The following FYB2 variants were observed in gnomAD, a reference collection of about 807,000 sequenced individuals.
FYB2 encodes the protein FYN binding protein 2, also known as FYN-binding protein 2.
In FYB2, 103 loss-of-function variants were observed where a neutral mutation model predicts 94.1. That is an observed-to-expected ratio of 1.09 (90% confidence interval 0.93 to 1.29). The LOEUF (loss-of-function observed/expected upper bound fraction) is 1.29. Among genes scored for constraint, FYB2 ranks in the 50% most tolerant of loss-of-function variants. The pLI, the probability that FYB2 is intolerant of heterozygous loss-of-function variation, is 0.00. For synonymous variants in FYB2, 293 were observed against 287.9 expected, an observed-to-expected ratio of 1.02 and a Z score of -0.18; for missense variants, 896 against 841.5, an observed-to-expected ratio of 1.06 and a Z score of -0.80.
At position 56,742,196 on chromosome 1, in the gene FYB2, A is replaced by T; in HGVS notation, c.1569T>A (p.Asp523Glu). ...SSEENRELYEDVYKTKNNYPK... is the reference protein window; with the variant it reads ...SSEENRELYEEVYKTKNNYPK... ...GGTAGTTGTTCTTTGTTTTGTAGACATCTTCATACAGTTCTCTATTTTCTT... is the reference window on the plus strand; with the variant it reads ...GGTAGTTGTTCTTTGTTTTGTAGACTTCTTCATACAGTTCTCTATTTTCTT... Residue 523 changes from aspartate to glutamate, a missense_variant, in exon 12 of 20, where the codon GAT becomes GAA. Transcript: ENST00000343433. 1 of 1,604,552 alleles carries T rather than the reference A, an allele frequency of 6.2e-7. No individual in the cohort carries two copies. Among genetic ancestry groups the T allele is most frequent in the South Asian group, 1.1e-5 (1 of 90,426 alleles).
chr1:56,723,782 A>AT (rs1356543945), intron 16 of FYB2, 101 bp from the exon 17 acceptor site: 12 of 655,900 alleles, frequency 1.8e-5, no homozygotes, highest in Non-Finnish European at 2.1e-5. Context: ...TTCAGGTATA[A>AT]TTTTTTGTGA....
At chr1:56,793,594 G>C (rs971737496) in intron 1 of FYB2, among the ~76,000 whole-genome samples, 2 of 151,932 alleles carry the variant, frequency 1.3e-5, no homozygotes, top group African/African-American at 2.4e-5. Context: ...AGGAACGAAG[G>C]GGCATAAAGT....
intron 16 of FYB2, among the ~76,000 whole-genome samples, chr1:56,725,632 G>A (rs535004802): frequency 6.6e-6 from 1 of 152,014 alleles, no homozygotes; most frequent in Non-Finnish European, 1.5e-5. Flanking sequence ...ATAGAAAGCT[G>A]CTTTTCTAGT....
chr1:56,737,445 G>C (rs759310433), intron 14 of FYB2: 1 of 232,942 alleles, frequency 4.3e-6, no homozygotes, highest in Non-Finnish European at 8.1e-6. Flanking sequence ...GTTGCTCAAA[G>C]AGTCATTTTT....
chr1:56,730,250 A>C (rs1302863267), intron 15 of FYB2, among the ~76,000 whole-genome samples: 1 of 150,676 alleles, frequency 6.6e-6, no homozygotes, highest in African/African-American at 2.4e-5. Context: ...GGTGTTTTGA[A>C]AAGAAACAAA....
chr1:56,739,099 C>T (rs901385058), intron 13 of FYB2, among the ~76,000 whole-genome samples: 1 of 151,952 alleles, frequency 6.6e-6, no homozygotes, highest in Non-Finnish European at 1.5e-5. Context: ...AGAGACAGAA[C>T]TAGAGAAGTA....
Position 56,765,500 on chromosome 1 carries a change from G to C in FYB2, c.1063+2329C>G, listed in dbSNP as rs556868726. 2.0e-3 allele frequency among the ~76,000 whole-genome samples: 299 copies of C among 152,284 alleles called. 3 individuals are homozygous for C. The highest frequency in any genetic ancestry group is 6.9e-3 in the African/African-American group (287 of 41,550). On this transcript the variant is annotated intron_variant, in intron 5 of 19. Coordinates refer to ENST00000343433, the MANE Select transcript of FYB2 (RefSeq NM_001004303.5). The stretch of plus-strand genomic sequence containing the variant: ...CAGCCTGCTGAGGGTAGATGTCCAA[G>C]CTCCCCATTCAGCATTGCTGTTGGT...
At position 56,792,383 on chromosome 1, in the gene FYB2, C is replaced by G; in HGVS notation, c.430G>C (p.Glu144Gln). ...TCACTTTTCTGAGATGAAACCTTCTCCCAGTTCCAGAGTTTGTTTCTGAAG... is the reference window on the plus strand; with the variant it reads ...TCACTTTTCTGAGATGAAACCTTCTGCCAGTTCCAGAGTTTGTTTCTGAAG... The part of the protein sequence containing the change: ...NSFRNKLWNW[E>Q]KVSSQKSEMS... Residue 144 changes from glutamate (E) to glutamine (Q), a missense_variant, in exon 2 of 20, where the codon GAG becomes CAG. Transcript: ENST00000343433. 1 of 1,614,170 alleles carries G rather than the reference C, an allele frequency of 6.2e-7. No homozygotes were observed. Among genetic ancestry groups the G allele is most frequent in the African/African-American group, 1.3e-5 (1 of 75,042 alleles).
intron 1 of FYB2, among the ~76,000 whole-genome samples, chr1:56,811,884 G>T (rs919375025): frequency 1.3e-5 from 2 of 152,062 alleles, no homozygotes; most frequent in Admixed American, 1.3e-4. Flanking sequence ...ATGCTGCTTT[G>T]TTTTTCTACA....
chr1:56,786,148 T>C (rs1289221938), intron 4 of FYB2, among the ~76,000 whole-genome samples: 4 of 152,134 alleles, frequency 2.6e-5, no homozygotes, highest in African/African-American at 7.2e-5. Flanking sequence ...CCCCTCAACA[T>C]GTGAGCCACC....
chr1:56,804,512 G>A (rs1010731207), intron 1 of FYB2, among the ~76,000 whole-genome samples: 1 of 152,112 alleles, frequency 6.6e-6, no homozygotes, highest in African/African-American at 2.4e-5. Context: ...ATCACTGGAG[G>A]TCAGGAGTTC....
chr1:56,720,669 G>C, intron 17 of FYB2: 2 of 175,144 alleles, frequency 1.1e-5, no homozygotes, highest in South Asian at 2.8e-4. Flanking sequence ...TGTTGCATAG[G>C]TAAATGTGTG....
In FYB2 at chr1:56,778,037, A is replaced by G. The variant is rs77211756; in HGVS notation, c.953+9138T>C. 3.4e-3 allele frequency among the ~76,000 whole-genome samples: 517 copies of G among 152,150 alleles called. 4 individuals carry two copies. Among genetic ancestry groups the G allele is most frequent in the African/African-American group, 0.011 (439 of 41,518 alleles). On this transcript the variant is annotated intron_variant, in intron 4 of 19. Transcript: ENST00000343433. ...TCCCATGTCTCCAAGGTCCTGTACT[A>G]CCATTCTCTTCCTCACTCATCACTC... is the stretch of plus-strand genomic sequence containing the variant.
intron 1 of FYB2, among the ~76,000 whole-genome samples, chr1:56,814,474 G>C (rs1203524198): frequency 1.3e-5 from 2 of 152,162 alleles, no homozygotes; most frequent in Non-Finnish European, 2.9e-5. Flanking sequence ...CATAAGGCTG[G>C]CTGAAAAGGA....
intron 7 of FYB2, 121 bp downstream of exon 7, chr1:56,755,775 G>T: frequency 1.1e-6 from 1 of 948,478 alleles, no homozygotes; most frequent in Non-Finnish European, 1.6e-6. Flanking sequence ...GCAAGGTGCC[G>T]GGGAAACTGA....
At chr1:56,800,209 G>A (rs1646488390) in intron 1 of FYB2, among the ~76,000 whole-genome samples, 1 of 152,152 alleles carries the variant, frequency 6.6e-6, no homozygotes, top group South Asian at 2.1e-4. Flanking sequence ...AGAGGCAGTA[G>A]TAACTGTCAA....
chr1:56,743,043 T>A (rs1644990169), intron 11 of FYB2, among the ~76,000 whole-genome samples: 1 of 152,088 alleles, frequency 6.6e-6, no homozygotes, highest in Non-Finnish European at 1.5e-5. Flanking sequence ...GTTAATGTAT[T>A]CATTACCTCA....
intron 7 of FYB2, 29 bp from the exon 8 acceptor site, chr1:56,753,964 A>AT (rs1557612336): frequency 6.9e-7 from 1 of 1,454,274 alleles, no homozygotes; most frequent in South Asian, 1.1e-5. Flanking sequence ...CCAGGAAAAA[A>AT]ATGAAGCTTA....
chr1:56,771,051 A>G (rs932956598), intron 4 of FYB2, among the ~76,000 whole-genome samples: 21 of 152,176 alleles, frequency 1.4e-4, no homozygotes, highest in Admixed American at 1.3e-3. Context: ...ACCATTTTGG[A>G]GAATAATTTT....
Sources: gnomAD v4.1 joint callset for allele counts (sites outside exome capture counted in the v4.1 genomes callset) on GRCh38, gnomAD v4.1.1 for gene constraint, MANE v1.5 for transcripts, NCBI Gene and HGNC (gene_info 2026-07-23, HGNC 2026-07-21) for gene names.